The following CALD1 variants were observed in gnomAD, a reference collection of about 807,000 sequenced individuals.
CALD1 encodes caldesmon.
In CALD1, 33 loss-of-function variants were observed where a neutral mutation model predicts 99.9. The ratio of observed to expected loss-of-function variants is 0.33; its 90% CI spans 0.25 to 0.44. The LOEUF (loss-of-function observed/expected upper bound fraction) is 0.44. Among genes scored for constraint, CALD1 ranks in the 20% least tolerant of loss-of-function variants. The pLI is 1.00. For synonymous variants in CALD1, 310 were observed against 325.0 expected (o/e 0.95, Z 0.50); for missense variants, 861 against 962.1 (o/e 0.89, Z 1.39).
At chr7:134,769,517 C>A (rs1444582052) in intron 1 of CALD1, among the ~76,000 whole-genome samples, 2 of 151,912 alleles carry the variant, frequency 1.3e-5, no homozygotes, top group African/African-American at 2.4e-5. Flanking sequence ...AGGCTTTTGA[C>A]CTTTGCAGTG....
intron 3 of CALD1, among the ~76,000 whole-genome samples, chr7:134,921,892 A>G (rs1804646405): frequency 6.6e-6 from 1 of 152,220 alleles, no homozygotes; most frequent in Non-Finnish European, 1.5e-5. Flanking sequence ...TCTACCCTAA[A>G]GAAATACTTG....
chr7:134,804,157 TC>T (rs1391369396), intron 1 of CALD1, among the ~76,000 whole-genome samples: 4 of 152,222 alleles, frequency 2.6e-5, no homozygotes, highest in Non-Finnish European at 4.4e-5. Flanking sequence ...TCATACAATC[TC>T]CCCGTTCAAT....
the CALD1 span, among the ~76,000 whole-genome samples, chr7:134,731,348 G>A: frequency 0.18 from 28,051 of 152,074 alleles, 2,964 homozygotes; most frequent in African/African-American, 0.27. Context: ...TCTCTTCACC[G>A]TCTTTCAAAC....
chr7:134,765,005 T>G (rs1197979761), intron 1 of CALD1, among the ~76,000 whole-genome samples: 1 of 152,146 alleles, frequency 6.6e-6, no homozygotes, highest in Non-Finnish European at 1.5e-5. Context: ...TCTGAGTAAG[T>G]GCATTAATTT....
chr7:134,777,381 CAT>C (rs1796926638), upstream of CALD1, among the ~76,000 whole-genome samples: 1 of 152,126 alleles, frequency 6.6e-6, no homozygotes, highest in Admixed American at 6.6e-5. Context: ...TCTATGGAAA[CAT>C]ACTATTTTTT....
At chr7:134,966,549 C>T (rs1331642758) in intron 14 of CALD1, among the ~76,000 whole-genome samples, 1 of 152,162 alleles carries the variant, frequency 6.6e-6, no homozygotes, top group Non-Finnish European at 1.5e-5. Flanking sequence ...GTTTATCATT[C>T]TCATTTTGCA....
At position 134,796,004 on chromosome 7, in the gene CALD1, C is replaced by A. The variant is rs148407467; in HGVS notation, c.-130+16255C>A. ...TTTTTTACTTTTTTAAACTTTCATGCCTTTCCATATTTCTGCTCTTAGATA... is the reference window on the plus strand; with the variant it reads ...TTTTTTACTTTTTTAAACTTTCATGACTTTCCATATTTCTGCTCTTAGATA... On this transcript the variant is annotated intron_variant, in intron 1 of 14. Coordinates refer to ENST00000361675, the MANE Select transcript of CALD1 (RefSeq NM_033138.4). Among the ~76,000 whole-genome samples the A allele has an allele frequency of 3.4e-3, 515 of 152,266 alleles. 3 individuals carry two copies. Among genetic ancestry groups the A allele is most frequent in the African/African-American group, 0.012 (480 of 41,560 alleles).
At chr7:134,930,178 G>A (rs868807826) in intron 4 of CALD1, among the ~76,000 whole-genome samples, 4 of 151,824 alleles carry the variant, frequency 2.6e-5, no homozygotes, top group Non-Finnish European at 4.4e-5. Context: ...TTTCTCACTC[G>A]GGCCCTGGTT....
intron 6 of CALD1, among the ~76,000 whole-genome samples, chr7:134,936,203 A>G (rs905661009): frequency 6.6e-6 from 1 of 152,204 alleles, no homozygotes; most frequent in Non-Finnish European, 1.5e-5. Flanking sequence ...TTTTCAAAGG[A>G]AAAACACCCA....
chr7:134,836,289 G>A (rs1377080192), intron 1 of CALD1, among the ~76,000 whole-genome samples: 1 of 151,934 alleles, frequency 6.6e-6, no homozygotes, highest in African/African-American at 2.4e-5. Flanking sequence ...ATTTATTTAG[G>A]AAGCCATACA....
intron 3 of CALD1, among the ~76,000 whole-genome samples, chr7:134,871,437 G>A (rs917245123): frequency 3.3e-5 from 5 of 152,128 alleles, no homozygotes; most frequent in African/African-American, 9.7e-5. Context: ...TTTTTACTGG[G>A]CATCTATTCC....
chr7:134,744,779 G>A lies in CALD1; in HGVS notation c.-130+416G>A, dbSNP rs187764734. Among the ~76,000 whole-genome samples, 6 of 152,130 alleles carry A rather than the reference G, an allele frequency of 3.9e-5. No homozygotes were observed. The East Asian group carries it at 9.7e-4, about 25-fold the overall frequency. ...CCCTTTGTTTCTGCTCTTCCTTGAA[G>A]AGCCTTGGAAGGCTTTTCTCTCTTT... On this transcript the variant is annotated intron_variant, in intron 1 of 13. Transcript: ENST00000417172.
the CALD1 span, among the ~76,000 whole-genome samples, chr7:134,720,690 T>G: frequency 6.6e-6 from 1 of 152,124 alleles, no homozygotes; most frequent in African/African-American, 2.4e-5. Flanking sequence ...CACTCATACA[T>G]GAGCAAGAGG....
chr7:134,844,112 C>T (rs951650757), intron 2 of CALD1, 141 bp downstream of exon 2: 2 of 152,152 alleles, frequency 1.3e-5, no homozygotes, highest in Admixed American at 6.5e-5. Flanking sequence ...TCCTACTTTA[C>T]TTGCCAGTTA....
intron 2 of CALD1, among the ~76,000 whole-genome samples, chr7:134,857,787 G>A (rs1800380189): frequency 6.6e-6 from 1 of 152,102 alleles, no homozygotes; most frequent in South Asian, 2.1e-4. Context: ...CCAGAATACA[G>A]TAAACACACT....
At chr7:134,809,469 A>T (rs1335776157) in intron 1 of CALD1, 1 of 152,182 alleles carries the variant, frequency 6.6e-6, no homozygotes, top group African/African-American at 2.4e-5. Flanking sequence ...ACTAAATGAA[A>T]TAATATAAAT....
At chr7:134,721,243 A>G in the CALD1 span, among the ~76,000 whole-genome samples, 1 of 151,548 alleles carries the variant, frequency 6.6e-6, no homozygotes, top group Non-Finnish European at 1.5e-5. Context: ...ATTTTCAAGA[A>G]CGGCGATTTT....
rs78887929 is a variant in CALD1 at position 134,836,423 on chromosome 7, A to G, written c.-129-7461A>G. 8.8e-3 allele frequency among the ~76,000 whole-genome samples: 1,338 copies of G among 152,314 alleles called. 17 individuals carry two copies. Among genetic ancestry groups the G allele is most frequent in the African/African-American group, 0.031 (1,271 of 41,560 alleles). ...TAGGTAACTTAACATCATGCCTTAC[A>G]AACAACAGTCAGTGCTCGTTGATAA... On this transcript the variant is annotated intron_variant, in intron 1 of 14. Coordinates refer to ENST00000361675, the MANE Select transcript of CALD1 (RefSeq NM_033138.4).
At chr7:134,864,472 C>T (rs1238851923) in intron 2 of CALD1, among the ~76,000 whole-genome samples, 2 of 150,560 alleles carry the variant, frequency 1.3e-5, no homozygotes, top group Non-Finnish European at 2.9e-5. Flanking sequence ...AATCTCAGCT[C>T]ACTGCAACCT....
Sources: allele counts gnomAD v4.1 joint callset (sites outside exome capture counted in the v4.1 genomes callset), GRCh38; gene constraint gnomAD v4.1.1; transcripts MANE v1.5; gene names NCBI Gene and HGNC (gene_info 2026-07-23, HGNC 2026-07-21).